The following TAPBP variants were observed in gnomAD, a reference collection of about 807,000 sequenced individuals.
TAPBP encodes tapasin.
Under a neutral mutation model 45.7 loss-of-function variants are expected in TAPBP, and 38 were observed. The observed-to-expected ratio is 0.83, with a 90% CI of 0.64 to 1.09. The LOEUF is 1.09. TAPBP is among the 50% of genes least tolerant of loss of function. TAPBP has a pLI of 0.00. For synonymous variants in TAPBP, 226 were observed against 254.8 expected, an observed-to-expected ratio of 0.89 and a Z score of 1.08; for missense variants, 513 against 587.3, an observed-to-expected ratio of 0.87 and a Z score of 1.31.
Position 33,305,521 on chromosome 6 carries a change from T to A in TAPBP, c.470-134A>T. ...ACCCCTCAGAGGACACCTTTTCTGA[T>A]ACTCACCATTTCCTAGCCCTCCCTG... On this transcript the variant is annotated intron_variant, in intron 3 of 7. Coordinates refer to ENST00000434618, the MANE Select transcript of TAPBP (RefSeq NM_003190.5). The surrounding 1 kb of genome is among the most constrained non-coding windows in gnomAD (Gnocchi z 4.4). 2.0e-6 allele frequency: 2 copies of A among 1,016,596 alleles called. No individual in the cohort carries two copies. Among genetic ancestry groups the A allele is most frequent in the Non-Finnish European group, 2.8e-6 (2 of 722,138 alleles). The allele number at this position is 1,016,596 out of a possible 1,614,324, so 63.0% of individuals were successfully genotyped here. A position where few individuals can be genotyped will look rare whatever the true frequency, so the allele number is the denominator to read the frequency against.
Position 33,299,849 on chromosome 6 carries a change from TA to T in TAPBP, c.*1910del, listed in dbSNP as rs1363560199. 6.6e-6 allele frequency: 1 copy of T among 152,306 alleles called. No homozygotes were observed. Among genetic ancestry groups the T allele is most frequent in the Non-Finnish European group, 1.5e-5 (1 of 68,044 alleles). The allele number at this position is 152,306 out of a possible 1,614,324, so 9.4% of individuals were successfully genotyped here. On this transcript the variant is annotated 3_prime_UTR_variant, in exon 8 of 8. Coordinates refer to ENST00000434618, the MANE Select transcript of TAPBP (RefSeq NM_003190.5). The surrounding 1 kb of genome is among the most constrained non-coding windows in gnomAD (Gnocchi z 5.0). Reference sequence around the variant, plus strand: ...TTGATGAGCGCCCTCCAGTGGGCCTTAGGTCCCTATGCCGGCGCGGGGTTAC... The same window carrying T: ...TTGATGAGCGCCCTCCAGTGGGCCTTGGTCCCTATGCCGGCGCGGGGTTAC...
chr6:33,309,572 A>G (rs1769195811), intron 3 of TAPBP, among the ~76,000 whole-genome samples: 1 of 146,976 alleles, frequency 6.8e-6, no homozygotes, highest in South Asian at 2.2e-4. Flanking sequence ...AATAATAAAC[A>G]AGACCTAAAG....
chr6:33,310,763 G>A (rs1465523750), intron 3 of TAPBP, among the ~76,000 whole-genome samples: 1 of 151,976 alleles, frequency 6.6e-6, no homozygotes, highest in African/African-American at 2.4e-5. Context: ...AGGTTGCAGT[G>A]AGCTGAGATC....
chr6:33,313,167 C>T lies in TAPBP; in HGVS notation c.469+50G>A. ...CCATAAAGCGAGACCACCGGCTGAT[C>T]TGGACCCTTAGAATCTACCCACCCT... On this transcript the variant is annotated intron_variant, in intron 3 of 7. Transcript: ENST00000434618. This position sits in a 1 kb window ranked among gnomAD's most constrained non-coding sequence, Gnocchi z 7.2. 6.4e-7 allele frequency: 1 copy of T among 1,562,916 alleles called. No homozygotes were observed. Among genetic ancestry groups the T allele is most frequent in the Non-Finnish European group, 8.7e-7 (1 of 1,149,054 alleles).
chr6:33,310,500 T>C (rs1366351069), intron 3 of TAPBP, among the ~76,000 whole-genome samples: 1 of 100,442 alleles, frequency 1.0e-5, no homozygotes, highest in Non-Finnish European at 1.9e-5. Flanking sequence ...GGTGAGACTC[T>C]GTCTCAAAAA....
intron 3 of TAPBP, among the ~76,000 whole-genome samples, chr6:33,311,922 C>T (rs946678425): frequency 6.6e-6 from 1 of 152,182 alleles, no homozygotes; most frequent in Non-Finnish European, 1.5e-5. Flanking sequence ...AATCAGGTTT[C>T]AGTATATTTT....
Position 33,313,214 on chromosome 6 carries a change from T to C in TAPBP, c.469+3A>G, listed in dbSNP as rs1769491240. ...CCCTTCTCCACCTCCCCTCCCCAGCTACCTGTTGCCATGGTGATGAGAACA... is the reference window on the plus strand; with the variant it reads ...CCCTTCTCCACCTCCCCTCCCCAGCCACCTGTTGCCATGGTGATGAGAACA... On this transcript the variant is annotated splice_donor_region_variant and intron_variant, in intron 3 of 7. Coordinates refer to ENST00000434618, the MANE Select transcript of TAPBP (RefSeq NM_003190.5). This position sits in a 1 kb window ranked among gnomAD's most constrained non-coding sequence, Gnocchi z 7.2. 2 of 1,602,732 alleles carry C rather than the reference T, an allele frequency of 1.2e-6. No individual in the cohort carries two copies. The highest frequency in any genetic ancestry group is 2.2e-5 in the South Asian group (2 of 90,806).
chr6:33,313,085 C>T lies in TAPBP; in HGVS notation c.469+132G>A. 1.9e-6 allele frequency: 2 copies of T among 1,044,242 alleles called. No homozygotes were observed. The highest frequency in any genetic ancestry group is 1.6e-5 in the South Asian group (1 of 61,450). The allele number at this position is 1,044,242 out of a possible 1,614,324, so 64.7% of individuals were successfully genotyped here. A position where few individuals can be genotyped will look rare whatever the true frequency, so the allele number is the denominator to read the frequency against. On this transcript the variant is annotated intron_variant, in intron 3 of 7. Coordinates refer to ENST00000434618, the MANE Select transcript of TAPBP (RefSeq NM_003190.5). The surrounding 1 kb of genome is among the most constrained non-coding windows in gnomAD (Gnocchi z 7.2). ...AGATTGATTCATTCTAGCCAAACCA[C>T]CTCTCTTAACAAAAAAAGGAAACTG...
In TAPBP at chr6:33,305,355, G is replaced by C; in HGVS notation, c.502C>G (p.Pro168Ala). The C allele has an allele frequency of 6.5e-7, 1 of 1,535,976 alleles. No individual in the cohort carries two copies. Among genetic ancestry groups the C allele is most frequent in the Non-Finnish European group, 8.7e-7 (1 of 1,143,104 alleles). ...VLTVLTHTPA[P>A]RVRLGQDALL... ...GCATCTTGTCCCAGTCTCACTCGAGGGGCAGGGGTGTGGGTGAGGACAGTC... is the reference window on the plus strand; with the variant it reads ...GCATCTTGTCCCAGTCTCACTCGAGCGGCAGGGGTGTGGGTGAGGACAGTC... Residue 168 changes from proline to alanine, a missense_variant, in exon 4 of 8, where the codon CCT becomes GCT. Transcript: ENST00000434618. This position sits in a 1 kb window ranked among gnomAD's most constrained non-coding sequence, Gnocchi z 4.4.
chr6:33,313,915 C>T lies in TAPBP; in HGVS notation c.38-51G>A, dbSNP rs750347338. The T allele has an allele frequency of 6.2e-7, 1 of 1,612,558 alleles. No individual in the cohort carries two copies. The highest frequency in any genetic ancestry group is 8.5e-7 in the Non-Finnish European group (1 of 1,179,190). On this transcript the variant is annotated intron_variant, in intron 1 of 7. Coordinates refer to ENST00000434618, the MANE Select transcript of TAPBP (RefSeq NM_003190.5). This position sits in a 1 kb window ranked among gnomAD's most constrained non-coding sequence, Gnocchi z 7.2. ...AGCGGTTTGTATGTCTGGTGACCTG[C>T]CCCACTCCCACCCTGGCATCGGCTC...
At chr6:33,306,901 C>T (rs1471363096) in intron 3 of TAPBP, among the ~76,000 whole-genome samples, 1 of 151,576 alleles carries the variant, frequency 6.6e-6, no homozygotes, top group Non-Finnish European at 1.5e-5. Context: ...TTGCTTGAAC[C>T]CGGGAAGCAG....
At position 33,313,483 on chromosome 6, in the gene TAPBP, T is replaced by C; in HGVS notation, c.209-6A>G. ...CTGGAGGGCGCCCGCGGGGTCTGAG[T>C]GTAGAGAAGGAAGTTGCAGCTGTAG... On this transcript the variant is annotated splice_region_variant and splice_polypyrimidine_tract_variant and intron_variant, in intron 2 of 7. Transcript: ENST00000434618. This position sits in a 1 kb window ranked among gnomAD's most constrained non-coding sequence, Gnocchi z 7.2. 2 of 1,554,750 alleles carry C rather than the reference T, an allele frequency of 1.3e-6. No individual in the cohort carries two copies. The highest frequency in any genetic ancestry group is 1.7e-6 in the Non-Finnish European group (2 of 1,148,360).
chr6:33,308,145 A>G (rs1769096331), intron 3 of TAPBP: 1 of 149,428 alleles, frequency 6.7e-6, no homozygotes, highest in Non-Finnish European at 1.5e-5. Context: ...CAACATGGTG[A>G]AACCCCATCT....
chr6:33,307,881 T>C (rs1392723305), intron 3 of TAPBP, among the ~76,000 whole-genome samples: 1 of 152,128 alleles, frequency 6.6e-6, no homozygotes, highest in Non-Finnish European at 1.5e-5. Context: ...ATATAGAAAA[T>C]ACTTGATAAA....
chr6:33,312,768 G>C (rs984369645), intron 3 of TAPBP, among the ~76,000 whole-genome samples: 45 of 152,202 alleles, frequency 3.0e-4, no homozygotes, highest in Non-Finnish European at 5.9e-4. Context: ...GGTGGGGATA[G>C]AGTGCTGGGT....
At chr6:33,303,679 T>G in intron 7 of TAPBP, 1 of 1,439,540 alleles carries the variant, frequency 6.9e-7, no homozygotes, top group Non-Finnish European at 9.4e-7. Context: ...AGTACTAGAG[T>G]ATTTAAATTT....
intron 3 of TAPBP, among the ~76,000 whole-genome samples, chr6:33,308,475 C>T (rs1054764357): frequency 1.3e-5 from 2 of 152,180 alleles, no homozygotes; most frequent in African/African-American, 2.4e-5. Context: ...CCTAACCCAC[C>T]CTTCCAGGCT....
At position 33,305,363 on chromosome 6, in the gene TAPBP, G is replaced by T; in HGVS notation, c.494C>A (p.Thr165Asn). Residue 165 changes from threonine (T) to asparagine (N), a missense_variant, in exon 4 of 8, where the codon ACC becomes AAC. Thr to Asn is a moderately conservative substitution (Grantham distance 65). Transcript: ENST00000434618. The surrounding 1 kb of genome is among the most constrained non-coding windows in gnomAD (Gnocchi z 4.4). ...ATVVLTVLTH[T>N]PAPRVRLGQD... is the part of the protein sequence containing the mutation. ...TCCCAGTCTCACTCGAGGGGCAGGG[G>T]TGTGGGTGAGGACAGTCAGTACCAC... is the stretch of plus-strand genomic sequence containing the variant. 1.3e-6 allele frequency: 2 copies of T among 1,533,126 alleles called. No homozygotes were observed. The highest frequency in any genetic ancestry group is 1.4e-5 in the African/African-American group (1 of 72,406). 95.0% of individuals were successfully genotyped at this position (1,533,126 alleles called of 1,614,324 possible). A position where few individuals can be genotyped will look rare whatever the true frequency, so the allele number is the denominator to read the frequency against.
chr6:33,307,267 A>G (rs1056286495), intron 3 of TAPBP, among the ~76,000 whole-genome samples: 8 of 152,136 alleles, frequency 5.3e-5, no homozygotes, highest in African/African-American at 1.2e-4. Context: ...CAGCCTGGGC[A>G]ACAGAGTGAG....
Sources: allele counts gnomAD v4.1 joint callset (sites outside exome capture counted in the v4.1 genomes callset), GRCh38; gene constraint gnomAD v4.1.1; non-coding constraint Gnocchi (gnomAD v3.1); transcripts MANE v1.5; gene names NCBI Gene and HGNC (gene_info 2026-07-23, HGNC 2026-07-21).